Variants in GNA12 observed in about 807,000 individuals in gnomAD.
GNA12 encodes G protein subunit alpha 12.
Under a neutral mutation model 26.0 loss-of-function variants are expected in GNA12, and 9 were observed. That is an observed-to-expected ratio of 0.35 (90% CI 0.21 to 0.60). GNA12 has a LOEUF of 0.60. Among genes scored for constraint, GNA12 ranks in the 20% least tolerant of loss-of-function variants. The pLI is 0.78. For missense variants in GNA12, 405 were observed against 525.8 expected (o/e 0.77, Z 2.25); for synonymous variants, 264 against 219.6 (o/e 1.20, Z -1.79).
intron 2 of GNA12, among the ~76,000 whole-genome samples, chr7:2,789,136 T>TACATGAGTCACAG (rs1562429275): frequency 2.8e-5 from 3 of 105,420 alleles, no homozygotes; most frequent in Admixed American, 1.9e-4. Flanking sequence ...AGGCATCTTT[T>TACATGAGTCACAG]TTTTTTTTTT....
intron 1 of GNA12, among the ~76,000 whole-genome samples, chr7:2,833,175 T>C (rs1778729027): frequency 6.6e-6 from 1 of 152,194 alleles, no homozygotes; most frequent in Non-Finnish European, 1.5e-5. Flanking sequence ...AAACAAACCA[T>C]AATAGTTACG....
intron 2 of GNA12, chr7:2,762,871 C>T (rs988066350): frequency 1.2e-5 from 18 of 1,447,504 alleles, no homozygotes; most frequent in Non-Finnish European, 1.6e-5. Flanking sequence ...CAGCTCCGAG[C>T]CCTGCTCGTG....
At chr7:2,771,995 G>A (rs947464400) in intron 2 of GNA12, among the ~76,000 whole-genome samples, 1 of 152,166 alleles carries the variant, frequency 6.6e-6, no homozygotes, top group Non-Finnish European at 1.5e-5. Flanking sequence ...GTCTCACCAC[G>A]GTGTTCAACT....
At chr7:2,748,279 C>T (rs1790864626) in intron 2 of GNA12, among the ~76,000 whole-genome samples, 1 of 152,070 alleles carries the variant, frequency 6.6e-6, no homozygotes, top group Non-Finnish European at 1.5e-5. Flanking sequence ...GCTACAGTAA[C>T]CAAAACAGCA....
chr7:2,805,123 C>T (rs577686377), intron 1 of GNA12, among the ~76,000 whole-genome samples: 14 of 152,172 alleles, frequency 9.2e-5, no homozygotes, highest in South Asian at 8.3e-4. Flanking sequence ...CTTTAAACAC[C>T]GACCAAGGTG....
chr7:2,838,230 T>C (rs1778893999), intron 1 of GNA12, among the ~76,000 whole-genome samples: 1 of 149,078 alleles, frequency 6.7e-6, no homozygotes, highest in Non-Finnish European at 1.5e-5. Context: ...TACATATGTA[T>C]ACTGTAAACC....
intron 2 of GNA12, among the ~76,000 whole-genome samples, chr7:2,788,037 C>T (rs1264917773): frequency 1.3e-5 from 2 of 152,270 alleles, no homozygotes; most frequent in Middle Eastern, 3.4e-3. Context: ...CGCCTGTAAT[C>T]CCAGCTGCTC....
intron 2 of GNA12, among the ~76,000 whole-genome samples, chr7:2,741,945 C>T (rs1398383793): frequency 6.6e-6 from 1 of 151,936 alleles, no homozygotes; most frequent in Middle Eastern, 3.4e-3. Context: ...CCTCCTCTAG[C>T]ACAGAATTTA....
intron 1 of GNA12, among the ~76,000 whole-genome samples, chr7:2,805,228 G>A (rs1291501708): frequency 9.2e-5 from 14 of 152,208 alleles, no homozygotes. Context: ...CTGCGTTCAT[G>A]GGACTAAGCG....
At chr7:2,784,714 G>A (rs916519662) in intron 2 of GNA12, among the ~76,000 whole-genome samples, 1 of 152,084 alleles carries the variant, frequency 6.6e-6, no homozygotes, top group Non-Finnish European at 1.5e-5. Context: ...GCTTTCTCCT[G>A]GGGATGCATC....
At chr7:2,756,295 A>G (rs1019521113) in intron 2 of GNA12, among the ~76,000 whole-genome samples, 2 of 152,208 alleles carry the variant, frequency 1.3e-5, no homozygotes, top group Non-Finnish European at 2.9e-5. Flanking sequence ...TCAAAAAAGG[A>G]CATTGATTCT....
At chr7:2,819,274 T>C (rs951138860) in intron 1 of GNA12, among the ~76,000 whole-genome samples, 1 of 152,184 alleles carries the variant, frequency 6.6e-6, no homozygotes, top group African/African-American at 2.4e-5. Flanking sequence ...CTGAATGAAC[T>C]TGGATGCCGA....
intron 1 of GNA12, among the ~76,000 whole-genome samples, chr7:2,799,272 C>CA (rs1792751795): frequency 6.6e-6 from 1 of 152,162 alleles, no homozygotes; most frequent in African/African-American, 2.4e-5. Context: ...TTAGAATATA[C>CA]AAGGACATTC....
At chr7:2,739,393 G>C (rs1427195281) in intron 2 of GNA12, among the ~76,000 whole-genome samples, 2 of 152,306 alleles carry the variant, frequency 1.3e-5, no homozygotes, top group East Asian at 3.9e-4. Context: ...GCAGCCCTTT[G>C]TGTCTGGTTC....
At chr7:2,820,456 C>T (rs1221333273) in intron 1 of GNA12, among the ~76,000 whole-genome samples, 1 of 145,224 alleles carries the variant, frequency 6.9e-6, no homozygotes, top group East Asian at 2.0e-4. Flanking sequence ...TGCCTGTAAT[C>T]CCAGCACTTT....
chr7:2,781,979 T>C (rs563158359), intron 2 of GNA12, among the ~76,000 whole-genome samples: 14 of 152,298 alleles, frequency 9.2e-5, no homozygotes, highest in South Asian at 4.1e-4. Flanking sequence ...ATTGAGAGAA[T>C]AGAATTTGGA....
intron 2 of GNA12, among the ~76,000 whole-genome samples, chr7:2,757,201 T>C (rs1033912064): frequency 3.1e-4 from 43 of 139,350 alleles, no homozygotes; most frequent in Admixed American, 2.6e-3. Flanking sequence ...AGTGGCACGA[T>C]CTTGGCTCAC....
At chr7:2,761,442 A>G (rs1313012261) in intron 2 of GNA12, among the ~76,000 whole-genome samples, 4 of 152,232 alleles carry the variant, frequency 2.6e-5, no homozygotes, top group African/African-American at 9.6e-5. Flanking sequence ...AATTTGAGAT[A>G]TTTCAGAAGC....
At chr7:2,764,968 A>C (rs1219860593) in intron 2 of GNA12, 1 of 152,248 alleles carries the variant, frequency 6.6e-6, no homozygotes, top group African/African-American at 2.4e-5. Context: ...GTACGGTGGA[A>C]AAGTAATAAG....
Sources: gnomAD v4.1 joint callset for allele counts (sites outside exome capture counted in the v4.1 genomes callset) on GRCh38, gnomAD v4.1.1 for gene constraint, MANE v1.5 for transcripts, NCBI Gene and HGNC (gene_info 2026-07-23, HGNC 2026-07-21) for gene names.